The following PCDHA6 variants were observed in gnomAD, a reference collection of about 807,000 sequenced individuals.
The protein encoded by PCDHA6 is protocadherin alpha-6.
PCDHA6 carries 55 observed loss-of-function variants against 60.3 expected under a neutral mutation model. The observed-to-expected ratio is 0.91, with a 90% CI of 0.73 to 1.14. The LOEUF (loss-of-function observed/expected upper bound fraction) is 1.14. PCDHA6 is among the 50% of genes most tolerant of loss of function. PCDHA6 has a pLI of 0.00. For missense variants in PCDHA6, 1,327 were observed against 1,256.5 expected (o/e 1.06, Z -0.85); for synonymous variants, 652 against 557.9 (o/e 1.17, Z -2.38).
chr5:140,882,739 A>C (rs781997612), intron 1 of PCDHA6: 1 of 1,614,142 alleles, frequency 6.2e-7, no homozygotes, highest in East Asian at 2.2e-5. Flanking sequence ...TAGATGGCGC[A>C]TCCGATGCAG....
chr5:141,004,528 C>T (rs2098169666), intron 3 of PCDHA6, among the ~76,000 whole-genome samples: 1 of 152,230 alleles, frequency 6.6e-6, no homozygotes, highest in Non-Finnish European at 1.5e-5. Flanking sequence ...CCAATACACA[C>T]AGCCATTAAT....
intron 1 of PCDHA6, chr5:140,882,822 G>C: frequency 6.2e-7 from 1 of 1,614,198 alleles, no homozygotes; most frequent in South Asian, 1.1e-5. Context: ...GCACAAAACA[G>C]TCTTGAGCAA....
chr5:140,992,845 C>T (rs2097530741), intron 3 of PCDHA6, among the ~76,000 whole-genome samples: 1 of 152,148 alleles, frequency 6.6e-6, no homozygotes, highest in African/African-American at 2.4e-5. Context: ...TTTTGTATAA[C>T]AACCAGTTTC....
chr5:140,841,612 G>A (rs141381378), intron 1 of PCDHA6: 7 of 1,614,012 alleles, frequency 4.3e-6, no homozygotes, highest in African/African-American at 2.7e-5. Context: ...AGCTGTGCGG[G>A]CGGAGCGCGG....
chr5:140,857,241 C>T, intron 1 of PCDHA6: 1 of 1,598,588 alleles, frequency 6.3e-7, no homozygotes, highest in East Asian at 2.2e-5. Context: ...AAGCTGGTGT[C>T]CACCTACAAG....
intron 1 of PCDHA6, among the ~76,000 whole-genome samples, chr5:140,888,767 T>G (rs927723567): frequency 6.6e-6 from 1 of 152,048 alleles, no homozygotes; most frequent in Non-Finnish European, 1.5e-5. Flanking sequence ...TTTTTTTTAA[T>G]TTTGAAGGGA....
chr5:140,995,918 G>A (rs1303145667), intron 3 of PCDHA6, among the ~76,000 whole-genome samples: 1 of 152,180 alleles, frequency 6.6e-6, no homozygotes, highest in Non-Finnish European at 1.5e-5. Flanking sequence ...GAGACCATAG[G>A]CTGTTGTAAG....
chr5:140,836,655 G>T (rs1774657436), intron 1 of PCDHA6: 1 of 1,613,354 alleles, frequency 6.2e-7, no homozygotes, highest in African/African-American at 1.3e-5. Context: ...GCGGCAGAGG[G>T]TGTGCTCTGG....
At chr5:140,967,803 C>T (rs1042188546) in intron 1 of PCDHA6, 3 of 1,614,066 alleles carry the variant, frequency 1.9e-6, no homozygotes, top group Admixed American at 3.3e-5. Flanking sequence ...GTGCCCATGG[C>T]AGGTCACTGC....
intron 1 of PCDHA6, among the ~76,000 whole-genome samples, chr5:140,911,235 A>G (rs1426271043): frequency 1.3e-5 from 2 of 152,146 alleles, no homozygotes; most frequent in Non-Finnish European, 2.9e-5. Flanking sequence ...TTCTTCTGGC[A>G]AAAAAAGTTT....
chr5:140,985,007 G>A (rs1349447884), intron 3 of PCDHA6, among the ~76,000 whole-genome samples: 2 of 151,706 alleles, frequency 1.3e-5, no homozygotes, highest in African/African-American at 4.8e-5. Flanking sequence ...GCACGATATC[G>A]GCTCACAGCA....
chr5:140,948,281 T>C (rs1375756050), intron 1 of PCDHA6, among the ~76,000 whole-genome samples: 1 of 151,620 alleles, frequency 6.6e-6, no homozygotes, highest in Non-Finnish European at 1.5e-5. Context: ...TATCTGTAAA[T>C]AATTTTGTAA....
chr5:140,855,925 C>T, intron 1 of PCDHA6: 2 of 1,240,614 alleles, frequency 1.6e-6, no homozygotes, highest in Admixed American at 2.5e-5. Flanking sequence ...TAGGAAGTAG[C>T]GTCATTCTGA....
chr5:140,918,021 A>G (rs2078482403), intron 1 of PCDHA6, among the ~76,000 whole-genome samples: 2 of 152,190 alleles, frequency 1.3e-5, no homozygotes, highest in South Asian at 2.1e-4. Flanking sequence ...CTTCCTACCC[A>G]TGAGCGTGGA....
intron 1 of PCDHA6, chr5:140,883,991 G>C: frequency 6.2e-7 from 1 of 1,612,972 alleles, no homozygotes; most frequent in South Asian, 1.1e-5. Flanking sequence ...CAGCGCGGGA[G>C]GCACAGTGAG....
At chr5:140,879,234 G>A (rs1483424901) in intron 1 of PCDHA6, among the ~76,000 whole-genome samples, 1 of 152,180 alleles carries the variant, frequency 6.6e-6, no homozygotes, top group Non-Finnish European at 1.5e-5. Flanking sequence ...ACATATACAA[G>A]AGGCACTGGC....
At chr5:140,924,675 A>G (rs2081950007) in intron 1 of PCDHA6, among the ~76,000 whole-genome samples, 1 of 152,152 alleles carries the variant, frequency 6.6e-6, no homozygotes, top group Non-Finnish European at 1.5e-5. Flanking sequence ...CAGGCCAATC[A>G]CTTGAGGTCA....
chr5:140,927,339 A>G lies in PCDHA6; in HGVS notation c.2395-51610A>G, dbSNP rs532353795. 3.7e-6 allele frequency: 6 copies of G among 1,614,052 alleles called. No individual in the cohort carries two copies. The South Asian group carries it at 4.4e-5, about 12-fold the overall frequency. The stretch of plus-strand genomic sequence containing the variant: ...CCCGCTTTACTCTCCCGAATGCCCA[A>G]GATGACGACGAGGGAAGCAATGGGA... On this transcript the variant is annotated intron_variant, in intron 1 of 3. Transcript: ENST00000529310.
At position 140,829,844 on chromosome 5, in the gene PCDHA6, C is replaced by A. The variant is rs2150175965; in HGVS notation, c.1753C>A (p.Leu585Met). The A allele has an allele frequency of 1.9e-6, 3 of 1,613,922 alleles. No individual in the cohort carries two copies. The Admixed American group carries it at 5.0e-5, about 27-fold the overall frequency. ...AGTGAGCGAGCTGGTGCCGCGGTCA[C>A]TGGGTGCAGGCCAAGTGGTGGCGAA... ...GAVSELVPRSLGAGQVVAKVR... is the reference protein window; with the variant it reads ...GAVSELVPRSMGAGQVVAKVR... The change falls in exon 1 of 4, where the codon CTG becomes ATG. Residue 585 changes from leucine (L) to methionine (M), a missense_variant. Transcript: ENST00000529310.
Sources: gnomAD v4.1 joint callset for allele counts (sites outside exome capture counted in the v4.1 genomes callset) on GRCh38, gnomAD v4.1.1 for gene constraint, MANE v1.5 for transcripts, NCBI Gene and HGNC (gene_info 2026-07-23, HGNC 2026-07-21) for gene names.